ADAMTS20: variants seen among roughly 807,000 people sequenced by gnomAD.
ADAMTS20 encodes ADAM metallopeptidase with thrombospondin type 1 motif 20.
Under a neutral mutation model 260.1 loss-of-function variants are expected in ADAMTS20, and 225 were observed. The ratio of observed to expected loss-of-function variants is 0.87; its 90% CI spans 0.78 to 0.97. The LOEUF (loss-of-function observed/expected upper bound fraction) is 0.97. Ranked by LOEUF, ADAMTS20 falls within the 50% of genes least tolerant of loss-of-function variation. The pLI is 0.00. For missense variants in ADAMTS20, 2,400 were observed against 2,337.7 expected (o/e 1.03, Z -0.55); for synonymous variants, 802 against 769.5 (o/e 1.04, Z -0.70).
At chr12:43,474,101 TAAAG>T (rs1942310348) in intron 7 of ADAMTS20, among the ~76,000 whole-genome samples, 1 of 150,892 alleles carries the variant, frequency 6.6e-6, no homozygotes. Flanking sequence ...GCAAGACTAA[TAAAG>T]AAAAAAAGAG....
chr12:43,484,139 C>T (rs1262840709), intron 7 of ADAMTS20, among the ~76,000 whole-genome samples: 1 of 152,074 alleles, frequency 6.6e-6, no homozygotes, highest in Non-Finnish European at 1.5e-5. Flanking sequence ...ATTAAAAGCA[C>T]ATCCTCAAGG....
intron 7 of ADAMTS20, among the ~76,000 whole-genome samples, chr12:43,484,238 A>G (rs1942486387): frequency 1.3e-5 from 2 of 152,202 alleles, no homozygotes; most frequent in Non-Finnish European, 2.9e-5. Flanking sequence ...AATGAGAAGG[A>G]ACCAGAAAAA....
chr12:43,508,610 A>G (rs1363570998), intron 3 of ADAMTS20, among the ~76,000 whole-genome samples: 2 of 98,240 alleles, frequency 2.0e-5, no homozygotes, highest in African/African-American at 9.2e-5. Flanking sequence ...AAATTTTTTT[A>G]TTATTAAAAA....
chr12:43,409,652 C>A (rs1940995580), intron 28 of ADAMTS20, among the ~76,000 whole-genome samples: 1 of 144,328 alleles, frequency 6.9e-6, no homozygotes, highest in Non-Finnish European at 1.5e-5. Flanking sequence ...GAAGACCAAT[C>A]CAAGAATCCC....
chr12:43,391,070 G>A (rs1940586131), intron 29 of ADAMTS20, among the ~76,000 whole-genome samples: 1 of 152,178 alleles, frequency 6.6e-6, no homozygotes, highest in Admixed American at 6.6e-5. Flanking sequence ...TGGAGGCTGG[G>A]AATTTCAAGA....
In ADAMTS20 at chr12:43,443,110, T is replaced by C. The variant is rs565608963; in HGVS notation, c.2290+681A>G. Among the ~76,000 whole-genome samples, 11 of 152,318 alleles carry C rather than the reference T, an allele frequency of 7.2e-5. No homozygotes were observed. The South Asian group carries it at 2.3e-3, about 32-fold the overall frequency. On this transcript the variant is annotated intron_variant, in intron 16 of 38. Coordinates refer to ENST00000389420, the MANE Select transcript of ADAMTS20 (RefSeq NM_025003.5). ...CTTTCTCAATATCAGCTCTGCACCA[T>C]TACCTACCTACTCCAGCTTGGTGAA... is the stretch of plus-strand genomic sequence containing the variant.
At chr12:43,437,660 T>C in intron 18 of ADAMTS20, among the ~76,000 whole-genome samples, 1 of 152,194 alleles carries the variant, frequency 6.6e-6, no homozygotes, top group East Asian at 1.9e-4. Context: ...TTTTCAGATA[T>C]GAAAGGTCTC....
rs747496684 is a variant in ADAMTS20, at chr12:43,420,800, C to CTTTTTTTTTTTTTTTTTTTTTTT, written c.4284+4691_4284+4713dup. Among the ~76,000 whole-genome samples the CTTTTTTTTTTTTTTTTTTTTTTT allele has an allele frequency of 1.8e-3, 101 of 55,508 alleles. 10 individuals carry two copies. Among genetic ancestry groups the CTTTTTTTTTTTTTTTTTTTTTTT allele is most frequent in the Middle Eastern group, 0.012 (1 of 86 alleles). 36.4% of individuals were successfully genotyped at this position (55,508 alleles called of 152,430 possible). A position where few individuals can be genotyped will look rare whatever the true frequency, so the allele number is the denominator to read the frequency against. ...TCTTCTTCTTCTCCTCCTCCTCCTT[C>CTTTTTTTTTTTTTTTTTTTTTTT]TTTTTTTTTTTTTTTTTTTTTTTTT... On this transcript the variant is annotated intron_variant, in intron 28 of 38. Transcript: ENST00000389420.
intron 3 of ADAMTS20, among the ~76,000 whole-genome samples, chr12:43,505,512 T>G (rs912084758): frequency 6.6e-6 from 1 of 152,120 alleles, no homozygotes; most frequent in Non-Finnish European, 1.5e-5. Flanking sequence ...TTATACAAAT[T>G]ATCAACACAC....
intron 37 of ADAMTS20, among the ~76,000 whole-genome samples, chr12:43,360,310 G>A (rs531846001): frequency 9.9e-5 from 15 of 152,186 alleles, no homozygotes; most frequent in East Asian, 3.9e-4. Flanking sequence ...TTAGCCGGGC[G>A]TGGTGGCAGT....
rs924349661 is a variant in ADAMTS20, at chr12:43,498,864, T to C, written c.867+3288A>G. On this transcript the variant is annotated intron_variant, in intron 4 of 38. Transcript: ENST00000389420. ...TTCCAGGTAAAACAGGGAGAGTTTG[T>C]CACCCTTTCTCTTAAGTTCCCTTTC... is the stretch of plus-strand genomic sequence containing the variant. Among the ~76,000 whole-genome samples the C allele has an allele frequency of 3.9e-5, 6 of 152,190 alleles. No homozygotes were observed. The East Asian group carries it at 1.2e-3, about 29-fold the overall frequency.
rs928710593 is a variant in ADAMTS20, at chr12:43,355,741, C to G, written c.5643+743G>C. The stretch of plus-strand genomic sequence containing the variant: ...GGCTATGTTATCTAAGACACAATAA[C>G]CATAAGTAATAGAAAGCATTTCATG... On this transcript the variant is annotated intron_variant, in intron 38 of 38. Transcript: ENST00000389420. Among the ~76,000 whole-genome samples the G allele has an allele frequency of 2.3e-4, 35 of 151,900 alleles. 1 individual carries two copies. Among genetic ancestry groups the G allele is most frequent in the African/African-American group, 8.2e-4 (34 of 41,358 alleles).
chr12:43,373,828 C>T (rs1363718128), intron 36 of ADAMTS20, among the ~76,000 whole-genome samples: 1 of 150,850 alleles, frequency 6.6e-6, no homozygotes, highest in Non-Finnish European at 1.5e-5. Context: ...TACAGGCGCC[C>T]GCCACTACGC....
chr12:43,505,558 G>A (rs1036554611), intron 3 of ADAMTS20, among the ~76,000 whole-genome samples: 6 of 152,068 alleles, frequency 3.9e-5, no homozygotes. Flanking sequence ...AATCATTAAA[G>A]AAATGCAAAT....
At chr12:43,500,097 C>T (rs892702667) in intron 4 of ADAMTS20, among the ~76,000 whole-genome samples, 7 of 151,278 alleles carry the variant, frequency 4.6e-5, no homozygotes, top group Admixed American at 2.0e-4. Flanking sequence ...GGCATGATCG[C>T]GGCTCACTGC....
At position 43,446,641 on chromosome 12, in the gene ADAMTS20, G is replaced by C; in HGVS notation, c.2151C>G (p.Asn717Lys). 1 of 1,613,362 alleles carries C rather than the reference G, an allele frequency of 6.2e-7. No individual in the cohort carries two copies. Among genetic ancestry groups the C allele is most frequent in the Non-Finnish European group, 8.5e-7 (1 of 1,179,528 alleles). Residue 717 changes from asparagine (N) to lysine (K), a missense_variant, in exon 15 of 39, where the codon AAC becomes AAG. By Grantham distance (94) the Asn-to-Lys change is moderately conservative. Coordinates refer to ENST00000389420, the MANE Select transcript of ADAMTS20 (RefSeq NM_025003.5). The part of the protein sequence containing the change: ...IDKCGVCGGD[N>K]SSCKTITGVF... ...CACCTGTTATTGTCTTGCATGAAGA[G>C]TTGTCCCCACCACACACTCCACATT...
intron 10 of ADAMTS20, among the ~76,000 whole-genome samples, chr12:43,463,848 T>C (rs1483486313): frequency 6.6e-6 from 1 of 152,110 alleles, no homozygotes; most frequent in Non-Finnish European, 1.5e-5. Context: ...TGAATAAGTC[T>C]ACATTCCGGA....
At chr12:43,478,120 CATAAG>C (rs973587745) in intron 7 of ADAMTS20, among the ~76,000 whole-genome samples, 3 of 152,050 alleles carry the variant, frequency 2.0e-5, no homozygotes, top group African/African-American at 7.2e-5. Context: ...AATTATTCCA[CATAAG>C]ATGTTTAAGA....
chr12:43,500,744 C>G (rs75299400), intron 4 of ADAMTS20, among the ~76,000 whole-genome samples: 6 of 125,588 alleles, frequency 4.8e-5, no homozygotes, highest in Admixed American at 2.7e-4. Flanking sequence ...TGTCTCCATT[C>G]ATTCTTTCAG....
Sources: allele counts gnomAD v4.1 joint callset (sites outside exome capture counted in the v4.1 genomes callset), GRCh38; gene constraint gnomAD v4.1.1; transcripts MANE v1.5; gene names NCBI Gene and HGNC (gene_info 2026-07-23, HGNC 2026-07-21).